GJB7: variants seen among roughly 807,000 people sequenced by gnomAD.
The protein encoded by GJB7 is gap junction beta-7 protein.
For missense variants in GJB7, 253 were observed against 256.8 expected (o/e 0.99, Z 0.10); for synonymous variants, 87 against 95.2 (o/e 0.91, Z 0.50).
chr6:87,312,254 C>T (rs1448320079), intron 2 of GJB7, among the ~76,000 whole-genome samples: 1 of 151,940 alleles, frequency 6.6e-6, no homozygotes, highest in Non-Finnish European at 1.5e-5. Flanking sequence ...TGGCTCACAC[C>T]TGTAATCCCA....
chr6:87,307,788 C>T (rs1478737598), intron 2 of GJB7, among the ~76,000 whole-genome samples: 1 of 152,170 alleles, frequency 6.6e-6, no homozygotes, highest in Non-Finnish European at 1.5e-5. Flanking sequence ...GGTCTGTAAA[C>T]TGGTTCAACC....
chr6:87,323,255 CTTTTG>C (rs1423851763), intron 1 of GJB7, among the ~76,000 whole-genome samples: 22 of 138,614 alleles, frequency 1.6e-4, no homozygotes, highest in South Asian at 1.2e-3. Context: ...TGGAAAGATA[CTTTTG>C]TTTTGTTTTG....
chr6:87,308,434 GATAGCT>G (rs1429855901), intron 2 of GJB7, among the ~76,000 whole-genome samples: 3 of 152,050 alleles, frequency 2.0e-5, no homozygotes, highest in Non-Finnish European at 2.9e-5. Context: ...GACTGCAAAA[GATAGCT>G]TTAACAGCAG....
chr6:87,289,062 CCATGCCTG>C (rs1776116988), intron 2 of GJB7, among the ~76,000 whole-genome samples: 1 of 152,082 alleles, frequency 6.6e-6, no homozygotes, highest in African/African-American at 2.4e-5. Flanking sequence ...GTAGTGGTGC[CCATGCCTG>C]CATCTCCAAC....
At chr6:87,311,502 GA>G (rs1436338111) in intron 2 of GJB7, among the ~76,000 whole-genome samples, 1 of 152,156 alleles carries the variant, frequency 6.6e-6, no homozygotes, top group East Asian at 1.9e-4. Context: ...TCTAAAAAGA[GA>G]AATCACAGAG....
chr6:87,294,724 C>T (rs965403409), intron 2 of GJB7, among the ~76,000 whole-genome samples: 1 of 152,172 alleles, frequency 6.6e-6, no homozygotes, highest in African/African-American at 2.4e-5. Context: ...TGAGGACATC[C>T]CTAACTATGT....
rs768482078 is a variant in GJB7, at chr6:87,284,820, G to A, written c.93C>T (p.Phe31=). 1 of 1,614,070 alleles carries A rather than the reference G, an allele frequency of 6.2e-7. No individual in the cohort carries two copies. Among genetic ancestry groups the A allele is most frequent in the Non-Finnish European group, 8.5e-7 (1 of 1,180,022 alleles). The change falls in exon 3 of 3, where the codon TTC becomes TTT. Residue 31 remains phenylalanine (F), a synonymous_variant. Transcript: ENST00000525899. ...GWIWLAVVFV[F]RLLVYMVAAE... Reference sequence around the variant, plus strand: ...CTGCCACCATGTAGACCAGCAAACGGAAGACAAACACGACAGCCAGCCAAA... The same window carrying A: ...CTGCCACCATGTAGACCAGCAAACGAAAGACAAACACGACAGCCAGCCAAA...
chr6:87,323,410 G>C (rs1237708185), intron 1 of GJB7, among the ~76,000 whole-genome samples: 1 of 147,622 alleles, frequency 6.8e-6, no homozygotes, highest in Non-Finnish European at 1.5e-5. Context: ...ATCTCCCAAT[G>C]CTATCCCTCC....
chr6:87,308,326 G>A (rs1776464153), intron 2 of GJB7, among the ~76,000 whole-genome samples: 1 of 152,118 alleles, frequency 6.6e-6, no homozygotes, highest in Non-Finnish European at 1.5e-5. Context: ...GTATACATAT[G>A]TAACAAACCT....
chr6:87,318,201 C>T (rs905969120), intron 2 of GJB7, among the ~76,000 whole-genome samples: 4 of 151,508 alleles, frequency 2.6e-5, no homozygotes, highest in African/African-American at 9.7e-5. Context: ...TCCTGTGATG[C>T]CAGACAGCTA....
chr6:87,294,600 G>T (rs1776223467), intron 2 of GJB7, among the ~76,000 whole-genome samples: 1 of 152,184 alleles, frequency 6.6e-6, no homozygotes, highest in African/African-American at 2.4e-5. Flanking sequence ...GAGAAGCCAG[G>T]GGTTCTGGTC....
At position 87,284,432 on chromosome 6, in the gene GJB7, G is replaced by T. The variant is rs370270847; in HGVS notation, c.481C>A (p.Pro161Thr). The T allele has an allele frequency of 6.2e-7, 1 of 1,614,036 alleles. No homozygotes were observed. ...VPYLIKCDLK[P>T]CPNTVDCFIS... ...AAGCAGTCCACAGTGTTGGGACAAG[G>T]CTTCAAATCACACTTTATAAGGTAG... Residue 161 changes from proline (P) to threonine (T), a missense_variant, in exon 3 of 3, where the codon CCT becomes ACT. Coordinates refer to ENST00000525899, the MANE Select transcript of GJB7 (RefSeq NM_198568.3).
intron 2 of GJB7, among the ~76,000 whole-genome samples, chr6:87,304,721 A>G (rs1776394394): frequency 6.6e-6 from 1 of 152,188 alleles, no homozygotes; most frequent in Non-Finnish European, 1.5e-5. Flanking sequence ...AGACACAACA[A>G]AAAAAGAGAA....
intron 2 of GJB7, among the ~76,000 whole-genome samples, chr6:87,301,621 C>A (rs1055173148): frequency 6.6e-6 from 1 of 152,190 alleles, no homozygotes; most frequent in Non-Finnish European, 1.5e-5. Context: ...CATAGCTGAA[C>A]AAAAGGCAGC....
At chr6:87,306,331 GA>G (rs570459016) in intron 2 of GJB7, among the ~76,000 whole-genome samples, 4,737 of 151,558 alleles carry the variant, frequency 0.031, 233 homozygotes, top group African/African-American at 0.11. Context: ...AAATTTATAA[GA>G]AAAAAAACAA....
chr6:87,284,764 T>C lies in GJB7; in HGVS notation c.149A>G (p.Glu50Gly). 6.2e-7 allele frequency: 1 copy of C among 1,614,012 alleles called. No homozygotes were observed. The highest frequency in any genetic ancestry group is 2.2e-5 in the East Asian group (1 of 44,860). ...AEHVWKDEQK[E>G]FECNSRQPGC... Reference sequence around the variant, plus strand: ...GGGCTGTCTACTGTTGCACTCAAACTCTTTCTGCTCATCTTTCCACACGTG... The same window carrying C: ...GGGCTGTCTACTGTTGCACTCAAACCCTTTCTGCTCATCTTTCCACACGTG... The change falls in exon 3 of 3, where the codon GAG (glutamate) becomes GGG (glycine). Residue 50 changes from glutamate to glycine, a missense_variant. Physicochemically the swap from Glu to Gly is moderately conservative, Grantham distance 98. Coordinates refer to ENST00000525899, the MANE Select transcript of GJB7 (RefSeq NM_198568.3).
chr6:87,327,560 T>C (rs1350316987), intron 1 of GJB7, among the ~76,000 whole-genome samples: 2 of 150,296 alleles, frequency 1.3e-5, no homozygotes, highest in East Asian at 3.9e-4. Context: ...AATTCTTTTC[T>C]TTAAGAATGT....
chr6:87,304,397 C>G (rs1281843888), intron 2 of GJB7, among the ~76,000 whole-genome samples: 2 of 152,174 alleles, frequency 1.3e-5, no homozygotes, highest in African/African-American at 4.8e-5. Context: ...CTATAAACAC[C>G]TCTATACAAA....
At chr6:87,304,395 A>G (rs1407141937) in intron 2 of GJB7, among the ~76,000 whole-genome samples, 1 of 152,202 alleles carries the variant, frequency 6.6e-6, no homozygotes, top group South Asian at 2.1e-4. Flanking sequence ...TACTATAAAC[A>G]CCTCTATACA....
Sources: allele counts gnomAD v4.1 joint callset (sites outside exome capture counted in the v4.1 genomes callset), GRCh38; gene constraint gnomAD v4.1.1; transcripts MANE v1.5; gene names NCBI Gene and HGNC (gene_info 2026-07-23, HGNC 2026-07-21).